Variants in FHL5 observed in about 807,000 individuals in gnomAD.
FHL5 encodes four and a half LIM domains protein 5.
Under a neutral mutation model 32.0 loss-of-function variants are expected in FHL5, and 33 were observed. The ratio of observed to expected loss-of-function variants is 1.03; its 90% CI spans 0.78 to 1.38. The LOEUF (loss-of-function observed/expected upper bound fraction) is 1.38, where lower values mean the gene tolerates loss of function less well. Among genes scored for constraint, FHL5 ranks in the 40% most tolerant of loss-of-function variants. FHL5 has a pLI of 0.00. For synonymous variants in FHL5, 114 were observed against 113.6 expected (o/e 1.00, Z -0.02); for missense variants, 336 against 343.9 (o/e 0.98, Z 0.18).
At chr6:96,590,398 TG>T (rs1341858337) in intron 1 of FHL5, among the ~76,000 whole-genome samples, 1 of 152,042 alleles carries the variant, frequency 6.6e-6, no homozygotes, top group African/African-American at 2.4e-5. Flanking sequence ...ATATCATAAA[TG>T]ATTTTTTTTC....
rs983214793 is a variant in FHL5, at chr6:96,616,621, T to C, written c.*849T>C. 2 of 152,170 alleles carry C rather than the reference T, an allele frequency of 1.3e-5. No individual in the cohort carries two copies. Among genetic ancestry groups the C allele is most frequent in the South Asian group, 4.1e-4 (2 of 4,824 alleles). 9.4% of individuals were successfully genotyped at this position (152,170 alleles called of 1,614,324 possible). A position where few individuals can be genotyped will look rare whatever the true frequency, so the allele number is the denominator to read the frequency against. On this transcript the variant is annotated 3_prime_UTR_variant, in exon 6 of 6. Coordinates refer to ENST00000450218, the MANE Select transcript of FHL5 (RefSeq NM_001322466.2). ...CCCAAAGGCAAACCTTTAAAATAAA[T>C]AGATCATTAAATCTTCACTTGTGGA...
At chr6:96,584,862 G>A (rs117840142) in intron 1 of FHL5, among the ~76,000 whole-genome samples, 1,882 of 152,292 alleles carry the variant, frequency 0.012, 25 homozygotes, top group Non-Finnish European at 0.019. Flanking sequence ...TTCTAAGGTA[G>A]AATTAATAGG....
chr6:96,599,816 T>C (rs1771113037), intron 1 of FHL5, among the ~76,000 whole-genome samples: 3 of 152,208 alleles, frequency 2.0e-5, no homozygotes, highest in South Asian at 2.1e-4. Context: ...TGCTAACCAA[T>C]TGGGGTACAT....
chr6:96,592,706 G>T (rs1188365187), intron 1 of FHL5, among the ~76,000 whole-genome samples: 1 of 152,156 alleles, frequency 6.6e-6, no homozygotes, highest in Non-Finnish European at 1.5e-5. Flanking sequence ...GTATTAATTT[G>T]GGGATCTAAT....
Position 96,603,706 on chromosome 6 carries a change from A to AT in FHL5, c.94dup (p.Cys32LeufsTer3), listed in dbSNP as rs1771205679. ...AGGATGACAGTCCATACTGTGTTAC[A>AT]TGTTATGATCGTGTATTTTCTAACT... On this transcript the variant is annotated frameshift_variant, in exon 2 of 6. Coordinates refer to ENST00000450218, the MANE Select transcript of FHL5 (RefSeq NM_001322466.2). LOFTEE classifies it high-confidence loss of function. 1.2e-6 allele frequency: 2 copies of AT among 1,612,524 alleles called. No homozygotes were observed. Among genetic ancestry groups the AT allele is most frequent in the African/African-American group, 2.7e-5 (2 of 74,906 alleles).
intron 5 of FHL5, among the ~76,000 whole-genome samples, chr6:96,613,248 CAATT>C (rs1408235128): frequency 6.6e-6 from 1 of 152,026 alleles, no homozygotes; most frequent in African/African-American, 2.4e-5. Flanking sequence ...TAAGATTAAT[CAATT>C]ATTTTTTTAA....
At chr6:96,568,216 T>C (rs1477398736) in intron 1 of FHL5, among the ~76,000 whole-genome samples, 1 of 151,838 alleles carries the variant, frequency 6.6e-6, no homozygotes, top group African/African-American at 2.4e-5. Context: ...ATACATTTTC[T>C]CTATCTCTTG....
chr6:96,565,613 T>C (rs1416951177), intron 1 of FHL5, among the ~76,000 whole-genome samples: 2 of 152,144 alleles, frequency 1.3e-5, no homozygotes, highest in African/African-American at 4.8e-5. Context: ...GAGTAGATTA[T>C]TTTGATATAT....
chr6:96,563,948 A>G (rs1770299626), intron 1 of FHL5, among the ~76,000 whole-genome samples: 1 of 152,216 alleles, frequency 6.6e-6, no homozygotes, highest in African/African-American at 2.4e-5. Flanking sequence ...ACAGAAATAT[A>G]TAATAGACTA....
chr6:96,566,027 G>C (rs528308648), intron 1 of FHL5, among the ~76,000 whole-genome samples: 1 of 151,872 alleles, frequency 6.6e-6, no homozygotes, highest in Admixed American at 6.6e-5. Flanking sequence ...CACTCTTCTA[G>C]CTATTTGAAA....
rs1008620415 is a variant in FHL5 at position 96,617,861 on chromosome 6, T to C, written c.*2089T>C. On this transcript the variant is annotated 3_prime_UTR_variant, in exon 6 of 6. Coordinates refer to ENST00000450218, the MANE Select transcript of FHL5 (RefSeq NM_001322466.2). ...ACAGAATCATTTCCTAAAGATTTTA[T>C]TATCCTTTCATAAGTATAAATATAT... Among the ~76,000 whole-genome samples the C allele has an allele frequency of 6.6e-6, 1 of 152,242 alleles. No homozygotes were observed. The highest frequency in any genetic ancestry group is 1.5e-5 in the Non-Finnish European group (1 of 68,032).
chr6:96,604,481 G>A (rs1187421411), intron 2 of FHL5, among the ~76,000 whole-genome samples: 2 of 151,896 alleles, frequency 1.3e-5, no homozygotes, highest in Non-Finnish European at 2.9e-5. Context: ...TTTATAAAAA[G>A]AATATAGGCA....
At chr6:96,603,961 A>T (rs1463087500) in intron 2 of FHL5, among the ~76,000 whole-genome samples, 189 bp downstream of exon 2, 1 of 152,214 alleles carries the variant, frequency 6.6e-6, no homozygotes, top group East Asian at 1.9e-4. Context: ...ACATATGCTT[A>T]ATCCTCACAT....
At chr6:96,577,852 G>A (rs1477180850) in intron 1 of FHL5, among the ~76,000 whole-genome samples, 3 of 151,416 alleles carry the variant, frequency 2.0e-5, no homozygotes, top group East Asian at 1.9e-4. Flanking sequence ...CAACTTCTAC[G>A]TGGAAAACAA....
At chr6:96,596,085 C>G (rs1464152129) in intron 1 of FHL5, among the ~76,000 whole-genome samples, 1 of 151,880 alleles carries the variant, frequency 6.6e-6, no homozygotes, top group Non-Finnish European at 1.5e-5. Context: ...TCATTTTAAA[C>G]TAAGCCTTTT....
At chr6:96,572,593 G>A (rs1770502491) in intron 1 of FHL5, among the ~76,000 whole-genome samples, 1 of 152,152 alleles carries the variant, frequency 6.6e-6, no homozygotes, top group African/African-American at 2.4e-5. Context: ...AGATGCCATA[G>A]CCAATAGTCA....
intron 1 of FHL5, among the ~76,000 whole-genome samples, chr6:96,585,548 G>C (rs1770779731): frequency 6.6e-6 from 1 of 151,914 alleles, no homozygotes; most frequent in Admixed American, 6.6e-5. Context: ...TCATATATTA[G>C]AGAAAAAAGT....
At chr6:96,604,400 A>G (rs1377364890) in intron 2 of FHL5, among the ~76,000 whole-genome samples, 1 of 151,422 alleles carries the variant, frequency 6.6e-6, no homozygotes, top group East Asian at 1.9e-4. Context: ...GTTTAGTTAC[A>G]TCTCAAAGAG....
rs996480833 is a variant in FHL5 at position 96,601,152 on chromosome 6, G to A, written c.-12-2450G>A. Among the ~76,000 whole-genome samples the A allele has an allele frequency of 4.6e-5, 7 of 152,088 alleles. No homozygotes were observed. In the South Asian group the frequency reaches 1.0e-3, roughly 23 times the overall value. On this transcript the variant is annotated intron_variant, in intron 1 of 5. Coordinates refer to ENST00000450218, the MANE Select transcript of FHL5 (RefSeq NM_001322466.2). Reference sequence around the variant, plus strand: ...AGATTGAGACCATCCTGGCCAACACGGTAAAATCCCATATCTACTAAAAAT... The same window carrying A: ...AGATTGAGACCATCCTGGCCAACACAGTAAAATCCCATATCTACTAAAAAT...
Sources: gnomAD v4.1 joint callset for allele counts (sites outside exome capture counted in the v4.1 genomes callset) on GRCh38, gnomAD v4.1.1 for gene constraint, MANE v1.5 for transcripts, NCBI Gene and HGNC (gene_info 2026-07-23, HGNC 2026-07-21) for gene names.